The following SIMC1 variants were observed in gnomAD, a reference collection of about 807,000 sequenced individuals.
SIMC1 encodes the protein SUMO interacting motifs containing 1, also known as SUMO-interacting motif-containing protein 1.
A neutral mutation model predicts 82.3 loss-of-function variants in SIMC1; 55 were observed. The observed-to-expected ratio is 0.67, with a 90% CI of 0.54 to 0.84. The LOEUF (loss-of-function observed/expected upper bound fraction) is 0.84, where lower values mean the gene tolerates loss of function less well. SIMC1 is among the 40% of genes least tolerant of loss of function. SIMC1 has a pLI of 0.00. For missense variants in SIMC1, 915 were observed against 1,107.2 expected (o/e 0.83, Z 2.46); for synonymous variants, 353 against 426.3 (o/e 0.83, Z 2.12).
In SIMC1 at chr5:176,324,647, G is replaced by T. The variant is rs1165324954; in HGVS notation, c.2061G>T (p.Gln687His). The T allele has an allele frequency of 3.1e-6, 5 of 1,611,686 alleles. No individual in the cohort carries two copies. The South Asian group carries it at 5.5e-5, about 18-fold the overall frequency. Residue 687 changes from glutamine to histidine, a missense_variant, in exon 7 of 10, where the codon CAG (glutamine) becomes CAT (histidine). Physicochemically the swap from Gln to His is conservative, Grantham distance 24. Transcript: ENST00000429602. ...GACTCAGGATTGTGTGCCAGCTTCA[G>T]AGGATGCTCTCCATAGCCGTAGAGG... ...NTNQLIVCQLQRMLSIAVEVD... is the reference protein window; with the variant it reads ...NTNQLIVCQLHRMLSIAVEVD...
intron 4 of SIMC1, among the ~76,000 whole-genome samples, chr5:176,301,638 G>T (rs559640137): frequency 1.3e-5 from 2 of 152,076 alleles, no homozygotes; most frequent in South Asian, 4.1e-4. Context: ...AATTAACCGA[G>T]TATGGTGGCA....
chr5:176,338,386 C>G (rs1471283367), intron 9 of SIMC1, among the ~76,000 whole-genome samples: 2 of 152,080 alleles, frequency 1.3e-5, no homozygotes, highest in Non-Finnish European at 2.9e-5. Context: ...ACAGCATGTC[C>G]TAGAGCCTTG....
chr5:176,263,987 C>T (rs2560159), intron 1 of SIMC1, among the ~76,000 whole-genome samples: 1 of 152,224 alleles, frequency 6.6e-6, no homozygotes, highest in Non-Finnish European at 1.5e-5. Flanking sequence ...AGGCCTCATG[C>T]AAGTCCAGAA....
chr5:176,345,521 A>T lies in SIMC1; in HGVS notation c.*76A>T. 1 of 1,487,764 alleles carries T rather than the reference A, an allele frequency of 6.7e-7. No homozygotes were observed. Among genetic ancestry groups the T allele is most frequent in the Non-Finnish European group, 9.0e-7 (1 of 1,114,672 alleles). The allele number at this position is 1,487,764 out of a possible 1,614,324, so 92.2% of individuals were successfully genotyped here. ...ACTGCTCAGAAGCTCTAAAAGCATGAAAAGTGGTTAAAATCTTACAGGACC... is the reference window on the plus strand; with the variant it reads ...ACTGCTCAGAAGCTCTAAAAGCATGTAAAGTGGTTAAAATCTTACAGGACC... On this transcript the variant is annotated 3_prime_UTR_variant, in exon 10 of 10. Coordinates refer to ENST00000429602, the MANE Select transcript of SIMC1 (RefSeq NM_001308195.2).
intron 7 of SIMC1, among the ~76,000 whole-genome samples, chr5:176,327,574 CT>C (rs751597612): frequency 2.0e-5 from 3 of 152,100 alleles, no homozygotes; most frequent in Non-Finnish European, 4.4e-5. Context: ...CTGTGTATGC[CT>C]TTTGCTTGCT....
At chr5:176,301,094 C>T (rs1046507438) in intron 4 of SIMC1, among the ~76,000 whole-genome samples, 1 of 152,184 alleles carries the variant, frequency 6.6e-6, no homozygotes, top group Non-Finnish European at 1.5e-5. Flanking sequence ...TTCTGTGAGG[C>T]CAGCATTACC....
At chr5:176,274,953 G>A (rs549758905) in intron 1 of SIMC1, among the ~76,000 whole-genome samples, 2 of 151,954 alleles carry the variant, frequency 1.3e-5, no homozygotes, top group South Asian at 2.1e-4. Flanking sequence ...TTGACTTGGC[G>A]ATGTGGGCTC....
rs1256094550 is a variant in SIMC1, at chr5:176,295,265, A to G, written c.1664+3A>G. ...ATGCTTCTCATGAAAATTCAACAGT[A>G]TGAACCGTAACCTCTGGCTGTTGGC... On this transcript the variant is annotated splice_donor_region_variant and intron_variant, in intron 3 of 9. Transcript: ENST00000429602. The G allele has an allele frequency of 3.1e-6, 5 of 1,610,110 alleles. No homozygotes were observed. The highest frequency in any genetic ancestry group is 1.7e-5 in the Admixed American group (1 of 59,160).
rs868121762 is a variant in SIMC1, at chr5:176,305,773, A to G, written c.1735-7918A>G. 2.6e-3 allele frequency among the ~76,000 whole-genome samples: 46 copies of G among 17,866 alleles called. 1 individual carries two copies. Among genetic ancestry groups the G allele is most frequent in the African/African-American group, 5.2e-3 (21 of 4,002 alleles). 11.7% of individuals were successfully genotyped at this position (17,866 alleles called of 152,430 possible). A position where few individuals can be genotyped will look rare whatever the true frequency, so the allele number is the denominator to read the frequency against. ...AGGGAGGTGAGGGGGTCAGCCCCCC[A>G]CCCGGCCAGCCGCCCCGTCCGGGAG... On this transcript the variant is annotated intron_variant, in intron 4 of 9. Coordinates refer to ENST00000429602, the MANE Select transcript of SIMC1 (RefSeq NM_001308195.2).
rs1254371742 is a variant in SIMC1, at chr5:176,289,807, A to G, written c.283A>G (p.Thr95Ala). The change falls in exon 2 of 10, where the codon ACC (threonine) becomes GCC (alanine). Residue 95 changes from threonine (T) to alanine (A), a missense_variant. Thr to Ala is a moderately conservative substitution (Grantham distance 58). Transcript: ENST00000429602. ...TGTCACTCCTTCCCAGAAGGAGCCAACCAGTCTTCAGACATGTGCCAGCCT... is the reference window on the plus strand; with the variant it reads ...TGTCACTCCTTCCCAGAAGGAGCCAGCCAGTCTTCAGACATGTGCCAGCCT... ...EPVTPSQKEP[T>A]SLQTCASLSG... The G allele has an allele frequency of 1.2e-6, 2 of 1,613,878 alleles. No homozygotes were observed. The highest frequency in any genetic ancestry group is 1.1e-5 in the South Asian group (1 of 91,084).
intron 1 of SIMC1, among the ~76,000 whole-genome samples, chr5:176,244,570 T>C (rs1200114611): frequency 6.6e-6 from 1 of 151,878 alleles, no homozygotes; most frequent in Non-Finnish European, 1.5e-5. Context: ...GCTAGTGAGG[T>C]TGGAGATAAA....
chr5:176,293,899 T>G (rs1004575609), intron 2 of SIMC1, among the ~76,000 whole-genome samples: 1 of 152,122 alleles, frequency 6.6e-6, no homozygotes, highest in African/African-American at 2.4e-5. Context: ...AAATCACCAC[T>G]AATTCTACCA....
intron 1 of SIMC1, among the ~76,000 whole-genome samples, chr5:176,252,294 G>A (rs1254611578): frequency 6.6e-6 from 1 of 151,998 alleles, no homozygotes; most frequent in Non-Finnish European, 1.5e-5. Context: ...CGGACGTGGT[G>A]GCTGCCGGGC....
chr5:176,249,636 C>T (rs1176305067), intron 1 of SIMC1, among the ~76,000 whole-genome samples: 22 of 151,958 alleles, frequency 1.4e-4, no homozygotes, highest in Non-Finnish European at 2.8e-4. Flanking sequence ...GTCAGGAGAT[C>T]GAGACCATCC....
At position 176,345,205 on chromosome 5, in the gene SIMC1, C is replaced by T. The variant is rs17622467; in HGVS notation, c.2436C>T (p.Ile812=). 214,969 of 1,613,634 alleles carry T rather than the reference C, an allele frequency of 0.13. 14,785 individuals are homozygous for T. Among genetic ancestry groups the T allele is most frequent in the Admixed American group, 0.15 (9,215 of 59,992 alleles). Residue 812 remains isoleucine, a synonymous_variant, in exon 10 of 10, where the codon ATC becomes ATT. Coordinates refer to ENST00000429602, the MANE Select transcript of SIMC1 (RefSeq NM_001308195.2). ...CAGAACACTTAAGGAGTTCCGTGATCGACCGAAAGGACTTAATAATCAAAA... is the reference window on the plus strand; with the variant it reads ...CAGAACACTTAAGGAGTTCCGTGATTGACCGAAAGGACTTAATAATCAAAA... ...VLREHLRSSV[I]DRKDLIIKRI... is the part of the protein sequence containing the mutation.
chr5:176,286,248 T>C (rs764776655), intron 1 of SIMC1, among the ~76,000 whole-genome samples: 2 of 152,366 alleles, frequency 1.3e-5, no homozygotes, highest in African/African-American at 2.4e-5. Flanking sequence ...ACTACAAGGC[T>C]ACAGTAAACA....
At chr5:176,240,330 C>T (rs1464747397) in intron 1 of SIMC1, among the ~76,000 whole-genome samples, 2 of 109,720 alleles carry the variant, frequency 1.8e-5, no homozygotes, top group African/African-American at 3.3e-5. Flanking sequence ...TTCCTTTCCT[C>T]CCAAGTGTTG....
chr5:176,289,944 T>G lies in SIMC1; in HGVS notation c.420T>G (p.Phe140Leu). The change falls in exon 2 of 10, where the codon TTT becomes TTG. Residue 140 changes from phenylalanine to leucine, a missense_variant. Transcript: ENST00000429602. The part of the protein sequence containing the change: ...VDLDLVEENT[F>L]VGPPPATSIS... ...TGGACCTAGTGGAAGAAAACACCTT[T>G]GTAGGTCCCCCACCCGCTACATCCA... The G allele has an allele frequency of 6.2e-7, 1 of 1,613,848 alleles. No individual in the cohort carries two copies.
chr5:176,326,096 A>G (rs147843235), intron 7 of SIMC1, among the ~76,000 whole-genome samples: 30 of 152,348 alleles, frequency 2.0e-4, no homozygotes, highest in Non-Finnish European at 3.8e-4. Flanking sequence ...GGAAATAAGT[A>G]TAAGAGAGTC....
Sources: allele counts gnomAD v4.1 joint callset (sites outside exome capture counted in the v4.1 genomes callset), GRCh38; gene constraint gnomAD v4.1.1; transcripts MANE v1.5; gene names NCBI Gene and HGNC (gene_info 2026-07-23, HGNC 2026-07-21).